Variants in ZNF613 observed in about 807,000 individuals in gnomAD.
ZNF613 encodes the protein zinc finger protein 613.
Under a neutral mutation model 14.3 loss-of-function variants are expected in ZNF613, and 8 were observed. The observed-to-expected ratio is 0.56, with a 90% CI of 0.33 to 1.01. ZNF613 has a LOEUF of 1.01. ZNF613 is among the 50% of genes least tolerant of loss of function. The pLI, the probability that ZNF613 is intolerant of heterozygous loss-of-function variation, is 0.03. For missense variants in ZNF613, 656 were observed against 741.9 expected (o/e 0.88, Z 1.35); for synonymous variants, 228 against 254.5 (o/e 0.90, Z 0.99).
In ZNF613 at chr19:51,944,793, A is replaced by G. The variant is rs199571238; in HGVS notation, c.910A>G (p.Ile304Val). The G allele has an allele frequency of 1.2e-6, 2 of 1,613,804 alleles. No individual in the cohort carries two copies. Among genetic ancestry groups the G allele is most frequent in the African/African-American group, 1.3e-5 (1 of 74,802 alleles). ...GKGFIKKSRL[I>V]NHQRVHTGEK... ...AGGCTTCATCAAGAAGTCTCGGCTC[A>G]TTAATCATCAGAGAGTTCATACAGG... The change falls in exon 6 of 6, where the codon ATT (isoleucine) becomes GTT (valine). Residue 304 changes from isoleucine (I) to valine (V), a missense_variant. Ile to Val is a conservative substitution (Grantham distance 29). Transcript: ENST00000293471.
intron 5 of ZNF613, among the ~76,000 whole-genome samples, chr19:51,941,601 C>T (rs1440111936): frequency 1.3e-5 from 2 of 152,074 alleles, no homozygotes; most frequent in Non-Finnish European, 2.9e-5. Context: ...TTCTGTTTCC[C>T]ATTTATTTTG....
chr19:51,941,746 C>A (rs903816209), intron 5 of ZNF613, among the ~76,000 whole-genome samples: 1 of 152,158 alleles, frequency 6.6e-6, no homozygotes, highest in African/African-American at 2.4e-5. Flanking sequence ...TACCCACTTG[C>A]ATGTCAACTC....
At chr19:51,938,826 T>C (rs1368432955) in intron 3 of ZNF613, among the ~76,000 whole-genome samples, 1 of 150,862 alleles carries the variant, frequency 6.6e-6, no homozygotes, top group Non-Finnish European at 1.5e-5. Flanking sequence ...TAGTAGGCTG[T>C]ATCATCTAGG....
chr19:51,944,111 T>G lies in ZNF613; in HGVS notation c.236-8T>G. 6.6e-7 allele frequency: 1 copy of G among 1,519,992 alleles called. No homozygotes were observed. The highest frequency in any genetic ancestry group is 2.3e-5 in the Admixed American group (1 of 43,706). The allele number at this position is 1,519,992 out of a possible 1,614,324, so 94.2% of individuals were successfully genotyped here. A position where few individuals can be genotyped will look rare whatever the true frequency, so the allele number is the denominator to read the frequency against. On this transcript the variant is annotated splice_region_variant and splice_polypyrimidine_tract_variant and intron_variant, in intron 5 of 5. Coordinates refer to ENST00000293471, the MANE Select transcript of ZNF613 (RefSeq NM_001031721.4). Reference sequence around the variant, plus strand: ...CATGGAAAGATTTATTGTTCTCTTCTTTCCTAGAAATCAAGAAAGTTGACA... The same window carrying G: ...CATGGAAAGATTTATTGTTCTCTTCGTTCCTAGAAATCAAGAAAGTTGACA...
At chr19:51,930,862 G>A (rs2085258707) in intron 2 of ZNF613, among the ~76,000 whole-genome samples, 1 of 152,162 alleles carries the variant, frequency 6.6e-6, no homozygotes, top group Admixed American at 6.6e-5. Context: ...CAAAGTGGCT[G>A]CACCATTTAA....
intron 5 of ZNF613, among the ~76,000 whole-genome samples, chr19:51,943,115 A>T (rs1032513134): frequency 1.3e-5 from 2 of 152,252 alleles, no homozygotes; most frequent in Non-Finnish European, 2.9e-5. Context: ...TAGAAAGTAT[A>T]CAGGAGAAGG....
Position 51,945,947 on chromosome 19 carries a change from C to T in ZNF613, c.*210C>T, listed in dbSNP as rs1220339898. On this transcript the variant is annotated 3_prime_UTR_variant, in exon 6 of 6. Transcript: ENST00000293471. ...GGAAGATAGATCTTCTCATCAGTGA[C>T]CATAGATCACATCTTCAGTGAGCTT... 1 of 575,682 alleles carries T rather than the reference C, an allele frequency of 1.7e-6. No homozygotes were observed. Among genetic ancestry groups the T allele is most frequent in the African/African-American group, 1.9e-5 (1 of 53,292 alleles). The allele number at this position is 575,682 out of a possible 1,614,324, so 35.7% of individuals were successfully genotyped here. A position where few individuals can be genotyped will look rare whatever the true frequency, so the allele number is the denominator to read the frequency against.
rs1461791135 is a variant in ZNF613 at position 51,944,177 on chromosome 19, G to A, written c.294G>A (p.Lys98=). ...QMHSQKQRCL[K]RVEQCHKHNA... is the part of the protein sequence containing the mutation. ...ACTCACAAAAGCAAAGATGTCTGAA[G>A]AGAGTGGAACAATGCCATAAACATA... The change falls in exon 6 of 6, where the codon AAG becomes AAA. Residue 98 remains lysine (K), a synonymous_variant. Coordinates refer to ENST00000293471, the MANE Select transcript of ZNF613 (RefSeq NM_001031721.4). The A allele has an allele frequency of 2.5e-6, 4 of 1,574,934 alleles. No individual in the cohort carries two copies.
Position 51,944,588 on chromosome 19 carries a change from T to C in ZNF613, c.705T>C (p.Ser235=). 1 of 1,614,008 alleles carries C rather than the reference T, an allele frequency of 6.2e-7. No homozygotes were observed. The highest frequency in any genetic ancestry group is 1.1e-5 in the South Asian group (1 of 91,052). ...VHTGEKPHGC[S]ICGKAFSRKS... The stretch of plus-strand genomic sequence containing the variant: ...CTGGGGAGAAACCTCATGGATGCAG[T>C]ATATGTGGGAAAGCCTTCTCCAGAA... The change falls in exon 6 of 6, where the codon AGT becomes AGC. Residue 235 remains serine (S), a synonymous_variant. Transcript: ENST00000293471.
intron 2 of ZNF613, among the ~76,000 whole-genome samples, chr19:51,933,504 C>T (rs796983547): frequency 1.3e-5 from 2 of 152,084 alleles, no homozygotes; most frequent in Non-Finnish European, 2.9e-5. Flanking sequence ...AGTACAGTGA[C>T]GAGATCATGG....
At chr19:51,928,184 TC>T (rs1438201829) in intron 1 of ZNF613, among the ~76,000 whole-genome samples, 2 of 152,170 alleles carry the variant, frequency 1.3e-5, no homozygotes, top group Non-Finnish European at 2.9e-5. Flanking sequence ...CACCTTGGCC[TC>T]CCAAAGTGCT....
chr19:51,944,279 T>C lies in ZNF613; in HGVS notation c.396T>C (p.His132=). 6.2e-7 allele frequency: 1 copy of C among 1,604,900 alleles called. No homozygotes were observed. The highest frequency in any genetic ancestry group is 1.7e-5 in the Admixed American group (1 of 58,526). ...AAAATCATGATACATTTGACTTACA[T>C]GGGAAAATACTGAAATCAAATTTAA... is the stretch of plus-strand genomic sequence containing the variant. ...LRQNHDTFDL[H]GKILKSNLSL... The change falls in exon 6 of 6, where the codon CAT becomes CAC. Residue 132 remains histidine (H), a synonymous_variant. Coordinates refer to ENST00000293471, the MANE Select transcript of ZNF613 (RefSeq NM_001031721.4).
chr19:51,939,923 A>G (rs528964421), intron 3 of ZNF613, among the ~76,000 whole-genome samples: 26 of 148,170 alleles, frequency 1.8e-4, no homozygotes, highest in African/African-American at 6.8e-4. Context: ...AAAAAAAAAG[A>G]GGATTAGCAA....
intron 3 of ZNF613, among the ~76,000 whole-genome samples, chr19:51,937,030 A>G (rs948108961): frequency 6.6e-5 from 10 of 152,190 alleles, no homozygotes; most frequent in African/African-American, 2.4e-4. Context: ...TGGTAAACAC[A>G]TTGAGGTGCT....
intron 2 of ZNF613, among the ~76,000 whole-genome samples, chr19:51,931,706 G>A (rs73065081): frequency 0.017 from 2,541 of 152,110 alleles, 51 homozygotes; most frequent in South Asian, 0.057. Flanking sequence ...CAGTGCAATC[G>A]TTCTTAGTAC....
rs1421849333 is a variant in ZNF613 at position 51,944,616 on chromosome 19, T to G, written c.733T>G (p.Ser245Ala). The G allele has an allele frequency of 1.9e-6, 3 of 1,614,014 alleles. No individual in the cohort carries two copies. The African/African-American group carries it at 4.0e-5, about 22-fold the overall frequency. ...SICGKAFSRKSGLTEHQRNHT... is the reference protein window; with the variant it reads ...SICGKAFSRKAGLTEHQRNHT... ...ATGTGGGAAAGCCTTCTCCAGAAAG[T>G]CCGGGCTCACTGAACACCAGAGAAA... The change falls in exon 6 of 6, where the codon TCC (serine) becomes GCC (alanine). Residue 245 changes from serine (S) to alanine (A), a missense_variant. Transcript: ENST00000293471.
At chr19:51,943,274 T>G (rs1028296069) in intron 5 of ZNF613, among the ~76,000 whole-genome samples, 7 of 152,344 alleles carry the variant, frequency 4.6e-5, no homozygotes, top group African/African-American at 1.7e-4. Flanking sequence ...TTCTACAGTT[T>G]CAGCTACCTG....
At chr19:51,933,383 C>T (rs758319323) in intron 2 of ZNF613, among the ~76,000 whole-genome samples, 1 of 152,150 alleles carries the variant, frequency 6.6e-6, no homozygotes, top group Non-Finnish European at 1.5e-5. Flanking sequence ...GAGTGAATTC[C>T]AAAACAGGAA....
Position 51,944,955 on chromosome 19 carries a change from C to G in ZNF613, c.1072C>G (p.Gln358Glu). The G allele has an allele frequency of 1.9e-6, 3 of 1,614,020 alleles. No individual in the cohort carries two copies. Among genetic ancestry groups the G allele is most frequent in the Middle Eastern group, 3.3e-4 (2 of 6,058 alleles). ...TGACAAAGCATTCCGCTGGAAATCA[C>G]AGCTCAATGCACATCAGAAAGCTCA... ...ECDKAFRWKS[Q>E]LNAHQKAHTG... The change falls in exon 6 of 6, where the codon CAG becomes GAG. Residue 358 changes from glutamine to glutamate, a missense_variant. Coordinates refer to ENST00000293471, the MANE Select transcript of ZNF613 (RefSeq NM_001031721.4).
Sources: allele counts gnomAD v4.1 joint callset (sites outside exome capture counted in the v4.1 genomes callset), GRCh38; gene constraint gnomAD v4.1.1; transcripts MANE v1.5; gene names NCBI Gene and HGNC (gene_info 2026-07-23, HGNC 2026-07-21).